ANKLE2: variants seen among roughly 807,000 people sequenced by gnomAD.
ANKLE2 encodes ankyrin repeat and LEM domain containing 2, also known as ankyrin repeat and LEM domain-containing protein 2.
ANKLE2 carries 55 observed loss-of-function variants against 84.2 expected under a neutral mutation model. The ratio of observed to expected loss-of-function variants is 0.65; its 90% CI spans 0.53 to 0.82. The LOEUF (loss-of-function observed/expected upper bound fraction) is 0.82, where lower values mean the gene tolerates loss of function less well. ANKLE2 is among the 40% of genes least tolerant of loss of function. The pLI is 0.00. For synonymous variants in ANKLE2, 551 were observed against 486.1 expected (o/e 1.13, Z -1.76); for missense variants, 1,238 against 1,201.9 (o/e 1.03, Z -0.44).
chr12:132,743,220 G>A lies in ANKLE2; in HGVS notation c.1287C>T (p.Asn429=), dbSNP rs552198976. 42 of 1,611,844 alleles carry A rather than the reference G, an allele frequency of 2.6e-5. No homozygotes were observed. Among genetic ancestry groups the A allele is most frequent in the Non-Finnish European group, 3.0e-5 (35 of 1,179,026 alleles). ...ACKFGNADVV[N]VLSSHHLIVK... is the part of the protein sequence containing the mutation. ...CAATCAAATGGTGTGACGAAAGCAC[G>A]TTGACTACATCTGCATTTCCAAACT... is the stretch of plus-strand genomic sequence containing the variant. The change falls in exon 6 of 13, where the codon AAC becomes AAT. Residue 429 remains asparagine, a synonymous_variant. Coordinates refer to ENST00000357997, the MANE Select transcript of ANKLE2 (RefSeq NM_015114.3). This position sits in a 1 kb window ranked among gnomAD's most constrained non-coding sequence, Gnocchi z 4.1.
intron 2 of ANKLE2, among the ~76,000 whole-genome samples, chr12:132,752,074 C>G (rs932711442): frequency 6.6e-6 from 1 of 152,132 alleles, no homozygotes; most frequent in Non-Finnish European, 1.5e-5. Flanking sequence ...GGCACGGTGG[C>G]TCACGCCTGT....
intron 3 of ANKLE2, chr12:132,748,955 C>G (rs2044298108): frequency 6.6e-6 from 1 of 151,726 alleles, no homozygotes; most frequent in South Asian, 2.1e-4. Flanking sequence ...AGGGATCCTT[C>G]TGCCTCAGCC....
At chr12:132,760,207 C>T (rs2044596985) in intron 1 of ANKLE2, 1 of 150,912 alleles carries the variant, frequency 6.6e-6, no homozygotes, top group Non-Finnish European at 1.5e-5. Context: ...CCCACTCAAT[C>T]ATCAGAAAGC....
chr12:132,757,676 AG>A (rs1486253994), intron 1 of ANKLE2: 1 of 152,328 alleles, frequency 6.6e-6, no homozygotes, highest in African/African-American at 2.4e-5. Context: ...CTAAAAAATT[AG>A]CCGGCCATGG....
chr12:132,750,995 G>C, intron 2 of ANKLE2, 146 bp from the exon 3 acceptor site: 1 of 652,034 alleles, frequency 1.5e-6, no homozygotes, highest in Non-Finnish European at 2.6e-6. Flanking sequence ...AAGAAAAAGG[G>C]CCTAAGCTAG....
chr12:132,734,625 T>C (rs746408947), intron 9 of ANKLE2, 50 bp from the exon 10 acceptor site: 2 of 1,546,632 alleles, frequency 1.3e-6, no homozygotes, highest in Non-Finnish European at 1.7e-6. Flanking sequence ...GAAAAAATAC[T>C]CAGAACTACA....
chr12:132,740,732 C>T (rs1413211018), intron 7 of ANKLE2, among the ~76,000 whole-genome samples: 1 of 152,066 alleles, frequency 6.6e-6, no homozygotes, highest in Non-Finnish European at 1.5e-5. Context: ...CAGCCGTTTT[C>T]ACATGCCTGG....
chr12:132,756,596 G>A (rs1032483655), intron 1 of ANKLE2: 1 of 151,934 alleles, frequency 6.6e-6, no homozygotes, highest in African/African-American at 2.4e-5. Flanking sequence ...GTTTCTACAG[G>A]GTTCTGACTT....
Position 132,734,449 on chromosome 12 carries a change from G to A in ANKLE2, c.1827C>T (p.Gly609=). Reference sequence around the variant, plus strand: ...CTCCTGTTTCTTGTTGAGCCTTTTTGCCTATTTCCTGCTGTGTGAGATATT... The same window carrying A: ...CTCCTGTTTCTTGTTGAGCCTTTTTACCTATTTCCTGCTGTGTGAGATATT... ...LEEYLTQQEI[G]KKAQQETGER... is the part of the protein sequence containing the mutation. The change falls in exon 10 of 13, where the codon GGC becomes GGT. Residue 609 remains glycine, a synonymous_variant. Coordinates refer to ENST00000357997, the MANE Select transcript of ANKLE2 (RefSeq NM_015114.3). The A allele has an allele frequency of 6.2e-7, 1 of 1,613,938 alleles. No homozygotes were observed. The highest frequency in any genetic ancestry group is 1.7e-5 in the Admixed American group (1 of 59,942).
At chr12:132,753,321 CAAAA>C (rs796460299) in intron 2 of ANKLE2, among the ~76,000 whole-genome samples, 1 of 142,238 alleles carries the variant, frequency 7.0e-6, no homozygotes, top group Non-Finnish European at 1.5e-5. Context: ...ACCCCAGTCT[CAAAA>C]AAAAAAACCA....
At chr12:132,735,314 T>A in intron 9 of ANKLE2, 92 bp downstream of exon 9, 1 of 1,150,450 alleles carries the variant, frequency 8.7e-7, no homozygotes, top group Non-Finnish European at 1.3e-6. Context: ...TTCTGGAAAT[T>A]GGTACTTTGA....
Position 132,736,885 on chromosome 12 carries a change from C to A in ANKLE2, c.1593+8G>T. On this transcript the variant is annotated splice_region_variant and intron_variant, in intron 8 of 12. Coordinates refer to ENST00000357997, the MANE Select transcript of ANKLE2 (RefSeq NM_015114.3). ...GCACCACTTCCAGAAGCTTCTACAG[C>A]AGCTCACCTTGGCTGGACTCAGGGG... The A allele has an allele frequency of 6.3e-7, 1 of 1,595,942 alleles. No individual in the cohort carries two copies.
chr12:132,731,225 CACAAG>C (rs1396054403), intron 10 of ANKLE2: 1 of 152,200 alleles, frequency 6.6e-6, no homozygotes, highest in Admixed American at 6.5e-5. Context: ...TGTACATAGT[CACAAG>C]ACAACACTGT....
At position 132,747,879 on chromosome 12, in the gene ANKLE2, G is replaced by A. The variant is rs1277337025; in HGVS notation, c.1183C>T (p.Arg395Cys). Residue 395 changes from arginine to cysteine, a missense_variant, in exon 5 of 13, where the codon CGT becomes TGT. This residue lies in a region of ANKLE2 where 802 missense variants were observed against 774.5 expected (regional missense o/e 1.04). Coordinates refer to ENST00000357997, the MANE Select transcript of ANKLE2 (RefSeq NM_015114.3). Reference sequence around the variant, plus strand: ...TACAGGTCCACCACGTAACGGATACGCTTCTGCAGCATGGCCTCGTCGTCA... The same window carrying A: ...TACAGGTCCACCACGTAACGGATACACTTCTGCAGCATGGCCTCGTCGTCA... ...PDDDEAMLQK[R>C]IRYVVDLYLN... is the part of the protein sequence containing the mutation. 7 of 1,611,510 alleles carry A rather than the reference G, an allele frequency of 4.3e-6. No individual in the cohort carries two copies. The highest frequency in any genetic ancestry group is 2.2e-5 in the East Asian group (1 of 44,888).
At chr12:132,742,460 G>C (rs148737886) in intron 6 of ANKLE2, 135 of 152,586 alleles carry the variant, frequency 8.8e-4, no homozygotes, top group Non-Finnish European at 1.5e-3. Flanking sequence ...GTAATACACA[G>C]AAAAATCAAA....
At chr12:132,752,984 C>A (rs2044389918) in intron 2 of ANKLE2, among the ~76,000 whole-genome samples, 1 of 146,786 alleles carries the variant, frequency 6.8e-6, no homozygotes, top group African/African-American at 2.5e-5. Flanking sequence ...AAAGCGAGAC[C>A]CAGTCTCTTA....
In ANKLE2 at chr12:132,735,439, G is replaced by A. The variant is rs200193067; in HGVS notation, c.1667C>T (p.Ser556Leu). The A allele has an allele frequency of 1.5e-4, 248 of 1,614,048 alleles. No homozygotes were observed. The East Asian group carries it at 4.4e-3, about 29-fold the overall frequency. The change falls in exon 9 of 13, where the codon TCG becomes TTG. Residue 556 changes from serine (S) to leucine (L), a missense_variant. By Grantham distance (145) the Ser-to-Leu change is moderately radical. Coordinates refer to ENST00000357997, the MANE Select transcript of ANKLE2 (RefSeq NM_015114.3). ...KAGFLHHVKK[S>L]DPERGFERVG... The stretch of plus-strand genomic sequence containing the variant: ...TCTCTCAAAGCCTCTTTCCGGGTCC[G>A]ACTTCTTGACGTGGTGAAGGAAGCC...
intron 1 of ANKLE2, 162 bp from the exon 2 acceptor site, chr12:132,755,295 G>C: frequency 1.5e-6 from 1 of 645,758 alleles, no homozygotes; most frequent in Non-Finnish European, 2.5e-6. Context: ...TGTAATCCCA[G>C]CATTTTGGGA....
intron 12 of ANKLE2, 136 bp downstream of exon 12, chr12:132,727,896 C>T: frequency 7.9e-7 from 1 of 1,265,350 alleles, no homozygotes; most frequent in Non-Finnish European, 1.1e-6. Context: ...GCCACAACAC[C>T]CAAATCCACA....
Sources: allele counts gnomAD v4.1 joint callset (sites outside exome capture counted in the v4.1 genomes callset), GRCh38; gene constraint gnomAD v4.1.1; regional missense constraint gnomAD v4.1.1; non-coding constraint Gnocchi (gnomAD v3.1); transcripts MANE v1.5; gene names NCBI Gene and HGNC (gene_info 2026-07-23, HGNC 2026-07-21).